Variants in AGL observed in about 807,000 individuals in gnomAD.
AGL encodes amylo-alpha-1,6-glucosidase and 4-alpha-glucanotransferase.
A neutral mutation model predicts 199.3 loss-of-function variants in AGL; 128 were observed. That is an observed-to-expected ratio of 0.64 (90% CI 0.56 to 0.74). The LOEUF (loss-of-function observed/expected upper bound fraction) is 0.74, where lower values mean the gene tolerates loss of function less well. Ranked by LOEUF, AGL falls within the 30% of genes least tolerant of loss-of-function variation. The pLI is 0.00. For synonymous variants in AGL, 584 were observed against 594.7 expected, an observed-to-expected ratio of 0.98 and a Z score of 0.26; for missense variants, 1,809 against 1,820.8, an observed-to-expected ratio of 0.99 and a Z score of 0.12.
intron 2 of AGL, among the ~76,000 whole-genome samples, chr1:99,860,376 T>C (rs1197424476): frequency 1.3e-5 from 2 of 152,094 alleles, no homozygotes; most frequent in Non-Finnish European, 2.9e-5. Flanking sequence ...TCATCAGTTA[T>C]TATTGCCCAT....
chr1:99,884,600 G>C lies in AGL; in HGVS notation c.2578G>C (p.Val860Leu). 1 of 1,613,946 alleles carries C rather than the reference G, an allele frequency of 6.2e-7. No homozygotes were observed. Among genetic ancestry groups the C allele is most frequent in the Non-Finnish European group, 8.5e-7 (1 of 1,179,932 alleles). Residue 860 changes from valine to leucine, a missense_variant, in exon 20 of 34, where the codon GTT becomes CTT. Physicochemically the swap from Val to Leu is conservative, Grantham distance 32. Transcript: ENST00000361915. Reference sequence around the variant, plus strand: ...TCTTGATCCACATGCACAAGTCGCTGTTGGAATTCTTCGAAATCATCTGAC... The same window carrying C: ...TCTTGATCCACATGCACAAGTCGCTCTTGGAATTCTTCGAAATCATCTGAC... ...VSLDPHAQVA[V>L]GILRNHLTQF...
intron 24 of AGL, among the ~76,000 whole-genome samples, chr1:99,895,904 A>T (rs1174478304): frequency 6.6e-6 from 1 of 152,342 alleles, no homozygotes; most frequent in Non-Finnish European, 1.5e-5. Flanking sequence ...TGAGCCTGGG[A>T]GGTGGAGGTT....
intron 27 of AGL, among the ~76,000 whole-genome samples, chr1:99,907,686 G>GTTTTTTTTTTTTTTTTTTTTT (rs1238445536): frequency 1.7e-4 from 10 of 59,836 alleles, no homozygotes; most frequent in African/African-American, 5.7e-4. Flanking sequence ...GTTTGTTTTT[G>GTTTTTTTTTTTTTTTTTTTTT]TTTTTTGTTT....
intron 27 of AGL, among the ~76,000 whole-genome samples, chr1:99,907,486 G>A (rs183203853): frequency 1.0e-3 from 152 of 152,170 alleles, no homozygotes; most frequent in Non-Finnish European, 1.6e-3. Context: ...GAACTTGCTG[G>A]ATCATATGAT....
intron 27 of AGL, among the ~76,000 whole-genome samples, chr1:99,910,153 A>G (rs1454899499): frequency 1.3e-5 from 2 of 152,270 alleles, no homozygotes; most frequent in East Asian, 3.9e-4. Flanking sequence ...TATATTGGGT[A>G]AGGGTGAAGT....
At chr1:99,898,353 C>T (rs1653511374) in intron 25 of AGL, among the ~76,000 whole-genome samples, 1 of 152,086 alleles carries the variant, frequency 6.6e-6, no homozygotes. Flanking sequence ...ACCAGAATAG[C>T]TTTTACCTTT....
At position 99,850,981 on chromosome 1, in the gene AGL, C is replaced by T; in HGVS notation, c.-62C>T. On this transcript the variant is annotated 5_prime_UTR_variant, in exon 2 of 34. Coordinates refer to ENST00000361915, the MANE Select transcript of AGL (RefSeq NM_000642.3). ...ACTCCTTTTTGTTTCATAGGGGTAA[C>T]TCATTCGACTGTGGAGTTCTTTTAA... 1 of 1,336,856 alleles carries T rather than the reference C, an allele frequency of 7.5e-7. No homozygotes were observed. Among genetic ancestry groups the T allele is most frequent in the Non-Finnish European group, 1.1e-6 (1 of 928,210 alleles). The allele number at this position is 1,336,856 out of a possible 1,614,324, so 82.8% of individuals were successfully genotyped here.
At chr1:99,916,912 G>C (rs1393903401) in intron 33 of AGL, among the ~76,000 whole-genome samples, 181 bp downstream of exon 33, 1 of 151,832 alleles carries the variant, frequency 6.6e-6, no homozygotes, top group East Asian at 1.9e-4. Context: ...TCTTATTTTG[G>C]GTTGTTATTT....
intron 21 of AGL, 100 bp from the exon 22 acceptor site, chr1:99,891,120 C>T: frequency 1.3e-6 from 2 of 1,482,964 alleles, no homozygotes; most frequent in South Asian, 1.1e-5. Flanking sequence ...CGTATTCACC[C>T]CAAATCACTA....
intron 27 of AGL, among the ~76,000 whole-genome samples, chr1:99,910,085 G>A (rs1654625281): frequency 6.6e-6 from 1 of 151,942 alleles, no homozygotes; most frequent in African/African-American, 2.4e-5. Context: ...ATTTTGTTTT[G>A]GAGATTTATC....
chr1:99,864,192 G>T (rs1650309550), intron 4 of AGL, among the ~76,000 whole-genome samples, 194 bp from the exon 5 acceptor site: 1 of 152,318 alleles, frequency 6.6e-6, no homozygotes, highest in African/African-American at 2.4e-5. Context: ...TATCTTGAAA[G>T]ATTTAAATAA....
Position 99,864,488 on chromosome 1 carries a change from C to G in AGL, c.563C>G (p.Pro188Arg), listed in dbSNP as rs1650334208. ...GAATTAAATCCTGACTTTTCAAGACCTAATAGAAAGTATACCTGGAATGAT... is the reference window on the plus strand; with the variant it reads ...GAATTAAATCCTGACTTTTCAAGACGTAATAGAAAGTATACCTGGAATGAT... ...QLELNPDFSR[P>R]NRKYTWNDVG... The change falls in exon 5 of 34, where the codon CCT becomes CGT. Residue 188 changes from proline (P) to arginine (R), a missense_variant. Transcript: ENST00000361915. The G allele has an allele frequency of 3.7e-6, 6 of 1,613,540 alleles. No individual in the cohort carries two copies. Among genetic ancestry groups the G allele is most frequent in the Non-Finnish European group, 5.1e-6 (6 of 1,179,688 alleles).
intron 7 of AGL, among the ~76,000 whole-genome samples, chr1:99,872,718 G>A (rs1334792552): frequency 5.9e-5 from 9 of 151,916 alleles, no homozygotes; most frequent in Non-Finnish European, 1.0e-4. Context: ...TAGTAGAGAC[G>A]GGGTTTCACC....
chr1:99,865,474 G>A (rs564119878), intron 5 of AGL, among the ~76,000 whole-genome samples: 9 of 152,284 alleles, frequency 5.9e-5, no homozygotes, highest in African/African-American at 2.2e-4. Context: ...TTCCTTAGTG[G>A]TATATAATTC....
chr1:99,920,159 T>G (rs777660758), intron 33 of AGL, among the ~76,000 whole-genome samples: 7 of 152,234 alleles, frequency 4.6e-5, no homozygotes, highest in Non-Finnish European at 8.8e-5. Flanking sequence ...TTGCTAGAGC[T>G]GCAGTAACAG....
At chr1:99,906,646 G>A (rs1654314718) in intron 27 of AGL, among the ~76,000 whole-genome samples, 1 of 152,086 alleles carries the variant, frequency 6.6e-6, no homozygotes. Context: ...TTGTTCTTTT[G>A]TGACTGATTT....
At chr1:99,863,496 CTT>C (rs1650237315) in intron 4 of AGL, among the ~76,000 whole-genome samples, 2 of 151,978 alleles carry the variant, frequency 1.3e-5, no homozygotes, top group Non-Finnish European at 2.9e-5. Context: ...CAAAATGAAA[CTT>C]GTGTTTCATT....
At chr1:99,893,637 A>C (rs1413833759) in intron 24 of AGL, among the ~76,000 whole-genome samples, 1 of 152,198 alleles carries the variant, frequency 6.6e-6, no homozygotes, top group African/African-American at 2.4e-5. Flanking sequence ...CAAAATATAC[A>C]CTTTAAACGA....
chr1:99,878,843 T>C (rs1030729529), intron 12 of AGL, among the ~76,000 whole-genome samples: 2 of 152,224 alleles, frequency 1.3e-5, no homozygotes, highest in Admixed American at 6.5e-5. Flanking sequence ...ATGACGGCTT[T>C]ATTTTATTGT....
Sources: gnomAD v4.1 joint callset for allele counts (sites outside exome capture counted in the v4.1 genomes callset) on GRCh38, gnomAD v4.1.1 for gene constraint, MANE v1.5 for transcripts, NCBI Gene and HGNC (gene_info 2026-07-23, HGNC 2026-07-21) for gene names.